Variants in AK8 observed in about 807,000 individuals in gnomAD.
AK8 encodes adenylate kinase 8.
A neutral mutation model predicts 54.6 loss-of-function variants in AK8; 44 were observed. The ratio of observed to expected loss-of-function variants is 0.81; its 90% confidence interval spans 0.63 to 1.04. The LOEUF (loss-of-function observed/expected upper bound fraction) is 1.04. AK8 is among the 50% of genes least tolerant of loss of function. The pLI, the probability that AK8 is intolerant of heterozygous loss-of-function variation, is 0.00. For missense variants in AK8, 555 were observed against 613.6 expected (o/e 0.90, Z 1.01); for synonymous variants, 239 against 245.6 (o/e 0.97, Z 0.25).
intron 5 of AK8, among the ~76,000 whole-genome samples, chr9:132,847,568 A>C (rs906593270): frequency 7.2e-5 from 11 of 152,286 alleles, no homozygotes; most frequent in Admixed American, 2.6e-4. Flanking sequence ...ACCCCTGCTG[A>C]GGGGGTCCAG....
intron 10 of AK8, among the ~76,000 whole-genome samples, chr9:132,794,703 CT>C (rs953285074): frequency 6.6e-6 from 1 of 152,238 alleles, no homozygotes; most frequent in South Asian, 2.1e-4. Flanking sequence ...GAAGGCTTCT[CT>C]TTTTCAAATA....
chr9:132,822,330 A>T (rs546211054), intron 9 of AK8, among the ~76,000 whole-genome samples: 12 of 149,228 alleles, frequency 8.0e-5, no homozygotes, highest in Non-Finnish European at 1.0e-4. Context: ...TGTATATACA[A>T]ATATACATAC....
In AK8 at chr9:132,862,405, G is replaced by A. The variant is rs530656080; in HGVS notation, c.333+1260C>T. The stretch of plus-strand genomic sequence containing the variant: ...TGCAGTGGTGTGATCTTGACTCACT[G>A]CAACCTCAGCCTCCTGGGTTTGAGC... On this transcript the variant is annotated intron_variant, in intron 4 of 12. Transcript: ENST00000298545. Among the ~76,000 whole-genome samples, 8 of 151,758 alleles carry A rather than the reference G, an allele frequency of 5.3e-5. No homozygotes were observed. In the East Asian group the frequency reaches 1.6e-3, roughly 29 times the overall value.
At chr9:132,734,650 C>T (rs867445914) in intron 11 of AK8, among the ~76,000 whole-genome samples, 2 of 152,078 alleles carry the variant, frequency 1.3e-5, no homozygotes, top group Admixed American at 6.6e-5. Context: ...GTGGGAGTGT[C>T]GCTTGAGCCC....
chr9:132,739,565 T>C (rs976787425), intron 11 of AK8, among the ~76,000 whole-genome samples: 1 of 138,666 alleles, frequency 7.2e-6, no homozygotes, highest in African/African-American at 2.7e-5. Flanking sequence ...TAAAGAGAAA[T>C]AAGCCAGAGT....
At chr9:132,877,074 T>TA (rs1477212620) in intron 1 of AK8, among the ~76,000 whole-genome samples, 1 of 152,086 alleles carries the variant, frequency 6.6e-6, no homozygotes, top group Non-Finnish European at 1.5e-5. Flanking sequence ...TCAAAATCAA[T>TA]AAAAGCTTTC....
intron 10 of AK8, among the ~76,000 whole-genome samples, chr9:132,806,527 A>G (rs761320552): frequency 2.6e-5 from 4 of 152,236 alleles, no homozygotes; most frequent in Non-Finnish European, 4.4e-5. Flanking sequence ...CCACGGGAAG[A>G]CAGCTTGCAG....
intron 11 of AK8, among the ~76,000 whole-genome samples, chr9:132,748,047 T>G (rs1456246728): frequency 6.6e-6 from 1 of 151,598 alleles, no homozygotes; most frequent in Non-Finnish European, 1.5e-5. Flanking sequence ...TGCAGTGAGC[T>G]GAGACGGTGC....
chr9:132,845,283 T>C (rs1842703554), intron 5 of AK8, among the ~76,000 whole-genome samples: 1 of 152,222 alleles, frequency 6.6e-6, no homozygotes, highest in African/African-American at 2.4e-5. Flanking sequence ...TACAATGTAA[T>C]CACATATAGT....
At chr9:132,864,020 C>T (rs572210101) in intron 3 of AK8, among the ~76,000 whole-genome samples, 9 of 152,294 alleles carry the variant, frequency 5.9e-5, no homozygotes, top group Admixed American at 2.0e-4. Context: ...AGTGGGAAGA[C>T]CTACAGGCAG....
chr9:132,761,808 CTCCT>C (rs1373850617), intron 11 of AK8, among the ~76,000 whole-genome samples: 2 of 151,062 alleles, frequency 1.3e-5, no homozygotes, highest in Non-Finnish European at 3.0e-5. Context: ...CCCTCCCTCC[CTCCT>C]TCTCTCTCTC....
chr9:132,783,097 T>C (rs1839547733), intron 11 of AK8, among the ~76,000 whole-genome samples: 1 of 152,222 alleles, frequency 6.6e-6, no homozygotes, highest in African/African-American at 2.4e-5. Context: ...ACTGTGTTGA[T>C]ATGGTAAGAT....
intron 11 of AK8, among the ~76,000 whole-genome samples, chr9:132,766,698 G>A (rs1333829596): frequency 6.6e-6 from 1 of 151,884 alleles, no homozygotes; most frequent in Non-Finnish European, 1.5e-5. Flanking sequence ...AAACAATTTT[G>A]AGCAAAAAGA....
chr9:132,805,448 G>A (rs1348173520), intron 10 of AK8, among the ~76,000 whole-genome samples: 1 of 152,240 alleles, frequency 6.6e-6, no homozygotes, highest in Non-Finnish European at 1.5e-5. Context: ...TTCTTGGGGA[G>A]ACAATGTTGT....
intron 10 of AK8, among the ~76,000 whole-genome samples, chr9:132,812,934 G>A (rs78658638): frequency 2.6e-4 from 20 of 75,530 alleles, no homozygotes; most frequent in Non-Finnish European, 4.5e-4. Context: ...GACCAGACCT[G>A]CTCACTGCCC....
intron 8 of AK8, among the ~76,000 whole-genome samples, chr9:132,825,609 T>C (rs1216098983): frequency 6.6e-6 from 1 of 152,196 alleles, no homozygotes; most frequent in Non-Finnish European, 1.5e-5. Flanking sequence ...ACCCGCTGGC[T>C]GATTGCTCCC....
chr9:132,849,811 G>C (rs569294768), intron 5 of AK8, among the ~76,000 whole-genome samples: 2 of 151,862 alleles, frequency 1.3e-5, no homozygotes, highest in Non-Finnish European at 2.9e-5. Flanking sequence ...GCCGTGGTGC[G>C]TGTCGGCTCA....
chr9:132,826,350 G>A lies in AK8; in HGVS notation c.757+504C>T, dbSNP rs1841868763. ...GGCTCCCGAGCTGCTGTGAACATTG[G>A]CCATTGCTGTGGACAGCAACGCAGT... On this transcript the variant is annotated intron_variant, in intron 8 of 12. Transcript: ENST00000298545. The surrounding 1 kb of genome is among the most constrained non-coding windows in gnomAD (Gnocchi z 4.5). 6.6e-6 allele frequency among the ~76,000 whole-genome samples: 1 copy of A among 152,194 alleles called. No homozygotes were observed.
At chr9:132,809,133 T>C (rs1476985547) in intron 10 of AK8, among the ~76,000 whole-genome samples, 3 of 152,290 alleles carry the variant, frequency 2.0e-5, no homozygotes, top group East Asian at 3.9e-4. Flanking sequence ...CTGGGTGCTT[T>C]CCTATGTTCC....
Sources: gnomAD v4.1 joint callset for allele counts (sites outside exome capture counted in the v4.1 genomes callset) on GRCh38, gnomAD v4.1.1 for gene constraint, Gnocchi (gnomAD v3.1) non-coding constraint, MANE v1.5 for transcripts, NCBI Gene and HGNC (gene_info 2026-07-23, HGNC 2026-07-21) for gene names.